LMLN: variants seen among roughly 807,000 people sequenced by gnomAD.
LMLN encodes leishmanolysin like peptidase, also known as leishmanolysin-like peptidase.
A neutral mutation model predicts 92.3 loss-of-function variants in LMLN; 70 were observed. The observed-to-expected ratio is 0.76, with a 90% CI of 0.63 to 0.92. LMLN has a LOEUF of 0.92. Ranked by LOEUF, LMLN falls within the 40% of genes least tolerant of loss-of-function variation. The pLI, the probability that LMLN is intolerant of heterozygous loss-of-function variation, is 0.00. For missense variants in LMLN, 691 were observed against 814.6 expected, an observed-to-expected ratio of 0.85 and a Z score of 1.85; for synonymous variants, 308 against 296.2, an observed-to-expected ratio of 1.04 and a Z score of -0.41.
intron 10 of LMLN, among the ~76,000 whole-genome samples, chr3:197,997,896 A>G (rs1722072340): frequency 6.6e-6 from 1 of 152,230 alleles, no homozygotes; most frequent in Non-Finnish European, 1.5e-5. Context: ...TTTGTGTTTT[A>G]GAAAATGTAA....
chr3:197,962,062 A>T (rs908164417), intron 1 of LMLN, among the ~76,000 whole-genome samples: 3 of 152,136 alleles, frequency 2.0e-5, no homozygotes, highest in East Asian at 3.8e-4. Context: ...ATGCACATCC[A>T]CATAAAGCAT....
intron 11 of LMLN, among the ~76,000 whole-genome samples, chr3:198,018,495 C>T (rs1490549058): frequency 6.6e-6 from 1 of 152,196 alleles, no homozygotes; most frequent in Non-Finnish European, 1.5e-5. Context: ...TCCTGTTAGG[C>T]TGTGCTGCTT....
At chr3:197,965,465 T>G (rs1364619430) in intron 1 of LMLN, among the ~76,000 whole-genome samples, 2 of 152,226 alleles carry the variant, frequency 1.3e-5, no homozygotes, top group Non-Finnish European at 2.9e-5. Flanking sequence ...GGTCTTGAGC[T>G]CCTGGACTCA....
chr3:198,016,194 CAAAAAAA>C (rs202075630), intron 11 of LMLN, among the ~76,000 whole-genome samples: 5,607 of 83,974 alleles, frequency 0.067, 165 homozygotes, highest in South Asian at 0.16. Context: ...GTTGCAAAAA[CAAAAAAA>C]AAAAAAAAAA....
intron 13 of LMLN, among the ~76,000 whole-genome samples, chr3:198,024,315 A>C (rs927577610): frequency 6.7e-6 from 1 of 149,162 alleles, no homozygotes; most frequent in Non-Finnish European, 1.5e-5. Flanking sequence ...TCCCGGGTTC[A>C]CGCCATTCTC....
chr3:198,016,090 C>G (rs1490646761), intron 11 of LMLN, among the ~76,000 whole-genome samples: 3 of 148,322 alleles, frequency 2.0e-5, no homozygotes, highest in African/African-American at 7.5e-5. Context: ...TACTTGGAGG[C>G]TGTGGTGAGA....
chr3:197,980,167 G>C (rs1289886701), intron 5 of LMLN, among the ~76,000 whole-genome samples, 159 bp from the exon 6 acceptor site: 1 of 152,156 alleles, frequency 6.6e-6, no homozygotes, highest in Admixed American at 6.5e-5. Context: ...TTAGAGCTAG[G>C]TATTGAGTAG....
At chr3:197,993,682 T>A (rs931770155) in intron 9 of LMLN, among the ~76,000 whole-genome samples, 1 of 152,130 alleles carries the variant, frequency 6.6e-6, no homozygotes, top group African/African-American at 2.4e-5. Flanking sequence ...ACAGATTCAG[T>A]GCTATCCCTA....
At chr3:198,021,183 A>G (rs1262816405) in intron 12 of LMLN, among the ~76,000 whole-genome samples, 3 of 152,206 alleles carry the variant, frequency 2.0e-5, no homozygotes, top group Admixed American at 2.0e-4. Context: ...ACATGCTGTT[A>G]AAACATTAGT....
At chr3:198,020,768 A>ATTGTTTTTTTTTTTTT (rs1722756549) in intron 12 of LMLN, among the ~76,000 whole-genome samples, 3 of 32,870 alleles carry the variant, frequency 9.1e-5, no homozygotes, top group African/African-American at 2.4e-4. Context: ...TAATTTTTGT[A>ATTGTTTTTTTTTTTTT]TTTTTTTTTT....
intron 10 of LMLN, among the ~76,000 whole-genome samples, chr3:197,998,711 G>T (rs1266084439): frequency 1.3e-5 from 2 of 152,206 alleles, no homozygotes; most frequent in Non-Finnish European, 2.9e-5. Flanking sequence ...GTGACCTCCT[G>T]ATAGGAATTG....
chr3:197,970,184 A>AT (rs927647013), intron 1 of LMLN, among the ~76,000 whole-genome samples: 1 of 152,130 alleles, frequency 6.6e-6, no homozygotes, highest in Non-Finnish European at 1.5e-5. Context: ...AAATAAATAA[A>AT]AAAAATAAAC....
At chr3:198,024,073 T>G (rs116303914) in intron 13 of LMLN, among the ~76,000 whole-genome samples, 1,829 of 152,278 alleles carry the variant, frequency 0.012, 15 homozygotes, top group Non-Finnish European at 0.017. Flanking sequence ...GATCTAACGA[T>G]TCTTAGTGCT....
chr3:198,034,266 T>C (rs1366984811), intron 14 of LMLN, among the ~76,000 whole-genome samples: 3 of 152,218 alleles, frequency 2.0e-5, no homozygotes, highest in Admixed American at 6.5e-5. Context: ...AGTAGCATAA[T>C]TGAATGTGAA....
Position 197,980,519 on chromosome 3 carries a change from G to A in LMLN, c.728+15G>A, listed in dbSNP as rs754027055. The A allele has an allele frequency of 2.2e-5, 36 of 1,604,044 alleles. No homozygotes were observed. The highest frequency in any genetic ancestry group is 2.8e-5 in the Non-Finnish European group (33 of 1,173,558). On this transcript the variant is annotated intron_variant, in intron 6 of 15. Transcript: ENST00000330198. The stretch of plus-strand genomic sequence containing the variant: ...AACATGGACAGGTAATCTTTCCTCC[G>A]GGACTTAGTTTCCAAGATCTAATGT...
intron 8 of LMLN, 149 bp downstream of exon 8, chr3:197,986,039 AAG>A (rs1721697046): frequency 3.5e-6 from 2 of 579,266 alleles, no homozygotes; most frequent in Non-Finnish European, 6.1e-6. Context: ...AATGGGATAT[AAG>A]AGGCCATTTT....
chr3:197,984,490 C>CTGCTGT (rs1553818503), intron 7 of LMLN, among the ~76,000 whole-genome samples: 9,804 of 152,078 alleles, frequency 0.064, 374 homozygotes, highest in African/African-American at 0.099. Context: ...GCTGCTGCTG[C>CTGCTGT]TGCTGTTTGT....
intron 1 of LMLN, among the ~76,000 whole-genome samples, chr3:197,967,356 G>A (rs542050520): frequency 6.6e-6 from 1 of 152,318 alleles, no homozygotes; most frequent in African/African-American, 2.4e-5. Flanking sequence ...GGCCTCCAGG[G>A]ATGACATCAC....
intron 11 of LMLN, among the ~76,000 whole-genome samples, chr3:198,006,918 G>A (rs1175470812): frequency 6.6e-6 from 1 of 152,074 alleles, no homozygotes; most frequent in Non-Finnish European, 1.5e-5. Context: ...TTACCATGTT[G>A]GCCAGGCTGG....
Sources: allele counts gnomAD v4.1 joint callset (sites outside exome capture counted in the v4.1 genomes callset), GRCh38; gene constraint gnomAD v4.1.1; transcripts MANE v1.5; gene names NCBI Gene and HGNC (gene_info 2026-07-23, HGNC 2026-07-21).